LATS1: variants seen among roughly 807,000 people sequenced by gnomAD.
LATS1 encodes the protein large tumor suppressor kinase 1.
In LATS1, 25 loss-of-function variants were observed where a neutral mutation model predicts 106.6. That is an observed-to-expected ratio of 0.23 (90% confidence interval 0.17 to 0.33). The LOEUF (loss-of-function observed/expected upper bound fraction) is 0.33. Among genes scored for constraint, LATS1 ranks in the 10% least tolerant of loss-of-function variants. LATS1 has a pLI of 1.00. For missense variants in LATS1, 1,040 were observed against 1,382.6 expected (o/e 0.75, Z 3.93); for synonymous variants, 465 against 455.6 (o/e 1.02, Z -0.26).
intron 7 of LATS1, among the ~76,000 whole-genome samples, chr6:149,666,073 T>C (rs990679825): frequency 2.2e-5 from 3 of 133,864 alleles, no homozygotes; most frequent in Admixed American, 8.4e-5. Flanking sequence ...ACCTGGGTGG[T>C]GTAGTGAGCC....
intron 5 of LATS1, among the ~76,000 whole-genome samples, chr6:149,678,385 T>G (rs1767998269): frequency 6.6e-6 from 1 of 151,934 alleles, no homozygotes; most frequent in African/African-American, 2.4e-5. Context: ...CAAAAAGATT[T>G]CTATGCCCCA....
At chr6:149,682,607 G>A (rs965065846) in intron 4 of LATS1, among the ~76,000 whole-genome samples, 15 of 151,778 alleles carry the variant, frequency 9.9e-5, no homozygotes, top group South Asian at 8.3e-4. Flanking sequence ...GTAGAGACGG[G>A]GTTTCACTGT....
chr6:149,688,303 T>TTTTG (rs1004762290), intron 3 of LATS1, among the ~76,000 whole-genome samples: 2 of 152,188 alleles, frequency 1.3e-5, no homozygotes, highest in African/African-American at 2.4e-5. Context: ...TATTTGGGTT[T>TTTTG]TTTGTTTGTT....
At chr6:149,700,281 C>T (rs1391034812) in intron 2 of LATS1, among the ~76,000 whole-genome samples, 1 of 152,070 alleles carries the variant, frequency 6.6e-6, no homozygotes, top group African/African-American at 2.4e-5. Context: ...CGAGACCAGC[C>T]TGGCCAACAT....
At chr6:149,690,366 A>G (rs1265494736) in intron 3 of LATS1, among the ~76,000 whole-genome samples, 1 of 151,596 alleles carries the variant, frequency 6.6e-6, no homozygotes, top group Non-Finnish European at 1.5e-5. Flanking sequence ...GGCATGCACC[A>G]CCACGCCCAG....
intron 2 of LATS1, chr6:149,696,970 G>C: frequency 4.4e-6 from 2 of 451,962 alleles, no homozygotes; most frequent in Non-Finnish European, 8.8e-6. Flanking sequence ...AGTGCCTGGA[G>C]CTAAAATGTT....
chr6:149,662,982 A>G (rs11155672), intron 7 of LATS1, among the ~76,000 whole-genome samples: 59,491 of 147,288 alleles, frequency 0.4, 13,123 homozygotes, highest in East Asian at 0.81. Flanking sequence ...AAAAAAAAAA[A>G]AAAAAGAAAA....
Position 149,684,160 on chromosome 6 carries a change from A to C in LATS1, c.929T>G (p.Met310Arg). 6.2e-7 allele frequency: 1 copy of C among 1,614,234 alleles called. No homozygotes were observed. The highest frequency in any genetic ancestry group is 8.5e-7 in the Non-Finnish European group (1 of 1,180,046). Residue 310 changes from methionine (M) to arginine (R), a missense_variant, in exon 4 of 8, where the codon ATG becomes AGG. Around this residue, in one of 7 missense-constraint regions of LATS1, gnomAD observed 624 missense variants for 714.8 expected, o/e 0.87. Transcript: ENST00000543571. ...YPPPPLNTSP[M>R]NPPNQGQRGI... is the part of the protein sequence containing the mutation. ...TCTCTGTCCTTGATTAGGAGGATTC[A>C]TGGGGGAAGTGTTGAGAGGTGGTGG...
intron 7 of LATS1, among the ~76,000 whole-genome samples, chr6:149,665,756 T>C (rs1469334925): frequency 6.6e-6 from 1 of 152,168 alleles, no homozygotes; most frequent in Admixed American, 6.5e-5. Context: ...CCTTTGAAAC[T>C]GACATTGAAA....
chr6:149,717,797 C>G (rs1191209573), intron 1 of LATS1, 52 bp downstream of exon 1: 1 of 276,612 alleles, frequency 3.6e-6, no homozygotes, highest in Non-Finnish European at 7.1e-6. Flanking sequence ...GCCACCGCCC[C>G]GCCAACTCGA....
chr6:149,672,667 C>T (rs190847101), intron 7 of LATS1, among the ~76,000 whole-genome samples: 66 of 151,790 alleles, frequency 4.3e-4, no homozygotes, highest in African/African-American at 1.0e-3. Flanking sequence ...GGATTTTGGC[C>T]GGGCGCAGTG....
intron 3 of LATS1, among the ~76,000 whole-genome samples, chr6:149,690,288 A>T (rs1402767414): frequency 2.1e-5 from 3 of 142,066 alleles, no homozygotes; most frequent in African/African-American, 7.9e-5. Context: ...ATCTCGGCTC[A>T]CCGCAATCTC....
chr6:149,700,876 C>G (rs1311395501), intron 2 of LATS1, among the ~76,000 whole-genome samples: 1 of 152,194 alleles, frequency 6.6e-6, no homozygotes, highest in Non-Finnish European at 1.5e-5. Context: ...CTCTGCCTCC[C>G]GGGTTCAAGA....
chr6:149,670,287 T>TA (rs1334360035), intron 7 of LATS1, among the ~76,000 whole-genome samples: 3 of 148,008 alleles, frequency 2.0e-5, no homozygotes, highest in Admixed American at 6.7e-5. Flanking sequence ...GAGATAATAG[T>TA]AAAAACCACA....
At chr6:149,700,851 T>G (rs1282230154) in intron 2 of LATS1, among the ~76,000 whole-genome samples, 1 of 152,254 alleles carries the variant, frequency 6.6e-6, no homozygotes, top group Non-Finnish European at 1.5e-5. Flanking sequence ...TGGCGCGATC[T>G]CGGCTCACTG....
intron 2 of LATS1, chr6:149,697,218 C>A: frequency 9.8e-7 from 1 of 1,023,792 alleles, no homozygotes; most frequent in Non-Finnish European, 1.4e-6. Context: ...GAATGTGAGA[C>A]CAACCAAAGA....
intron 3 of LATS1, among the ~76,000 whole-genome samples, chr6:149,693,328 T>C (rs1782881946): frequency 7.0e-6 from 1 of 142,184 alleles, no homozygotes; most frequent in Admixed American, 7.2e-5. Flanking sequence ...AAATAACCAA[T>C]AGGCCAGGCG....
chr6:149,682,404 ATTTCT>A (rs1009811736), intron 4 of LATS1, among the ~76,000 whole-genome samples: 1 of 149,784 alleles, frequency 6.7e-6, no homozygotes, highest in African/African-American at 2.4e-5. Context: ...AGACCCACGT[ATTTCT>A]TTTTTCTTTT....
intron 5 of LATS1, among the ~76,000 whole-genome samples, chr6:149,679,146 T>C (rs1468032462): frequency 6.6e-6 from 1 of 152,156 alleles, no homozygotes; most frequent in Non-Finnish European, 1.5e-5. Context: ...AAATAATAAT[T>C]ATCTTTGTGG....
Sources: allele counts gnomAD v4.1 joint callset (sites outside exome capture counted in the v4.1 genomes callset), GRCh38; gene constraint gnomAD v4.1.1; regional missense constraint gnomAD v4.1.1; transcripts MANE v1.5; gene names NCBI Gene and HGNC (gene_info 2026-07-23, HGNC 2026-07-21).